TEKT3: variants seen among roughly 807,000 people sequenced by gnomAD.
TEKT3 encodes the protein tektin-3.
In TEKT3, 49 loss-of-function variants were observed where a neutral mutation model predicts 49.8. The ratio of observed to expected loss-of-function variants is 0.98; its 90% CI spans 0.78 to 1.25. The LOEUF (loss-of-function observed/expected upper bound fraction) is 1.25. Ranked by LOEUF, TEKT3 falls within the 50% of genes most tolerant of loss-of-function variation. TEKT3 has a pLI of 0.00. For synonymous variants in TEKT3, 225 were observed against 237.2 expected, an observed-to-expected ratio of 0.95 and a Z score of 0.47; for missense variants, 595 against 629.5, an observed-to-expected ratio of 0.95 and a Z score of 0.59.
chr17:15,332,591 C>G (rs1428447397), intron 2 of TEKT3, among the ~76,000 whole-genome samples: 1 of 152,142 alleles, frequency 6.6e-6, no homozygotes, highest in African/African-American at 2.4e-5. Flanking sequence ...GCAAACGCAG[C>G]TCGAGGCAAG....
intron 2 of TEKT3, chr17:15,338,408 G>T (rs1912076529): frequency 6.6e-6 from 1 of 152,080 alleles, no homozygotes; most frequent in Non-Finnish European, 1.5e-5. Context: ...AAACTTTTAA[G>T]GAAGAAATAC....
intron 5 of TEKT3, among the ~76,000 whole-genome samples, chr17:15,315,421 C>T (rs373958676): frequency 1.3e-5 from 2 of 151,926 alleles, no homozygotes; most frequent in African/African-American, 4.8e-5. Context: ...AACAGACTGC[C>T]GGGGGCAGGA....
At chr17:15,327,341 T>C (rs1911534326) in intron 4 of TEKT3, among the ~76,000 whole-genome samples, 1 of 151,658 alleles carries the variant, frequency 6.6e-6, no homozygotes, top group Non-Finnish European at 1.5e-5. Flanking sequence ...CATGGCGAAA[T>C]CCCATCTCTA....
Position 15,303,925 on chromosome 17 carries a change from C to T in TEKT3, c.*11G>A, listed in dbSNP as rs200371405. On this transcript the variant is annotated 3_prime_UTR_variant, in exon 9 of 9. Transcript: ENST00000395930. The stretch of plus-strand genomic sequence containing the variant: ...AACTTAGGGGTATCAAAACCACACC[C>T]GGTGGGGTCCCTAGCAGAAGCCGAC... The T allele has an allele frequency of 6.8e-6, 11 of 1,613,384 alleles. No homozygotes were observed. The highest frequency in any genetic ancestry group is 4.5e-5 in the East Asian group (2 of 44,878).
intron 1 of TEKT3, chr17:15,340,284 C>T (rs1912164997): frequency 6.6e-6 from 1 of 151,854 alleles, no homozygotes; most frequent in Non-Finnish European, 1.5e-5. Flanking sequence ...GCGCGGTCCT[C>T]ATGCCTGTAA....
intron 8 of TEKT3, among the ~76,000 whole-genome samples, chr17:15,305,787 T>TAA (rs762284587): frequency 2.4e-5 from 3 of 126,576 alleles, no homozygotes; most frequent in Non-Finnish European, 3.4e-5. Flanking sequence ...ACATCAATGC[T>TAA]AAAAAAAAAA....
intron 2 of TEKT3, among the ~76,000 whole-genome samples, chr17:15,339,263 T>G (rs979485183): frequency 2.0e-5 from 3 of 152,224 alleles, no homozygotes; most frequent in African/African-American, 7.2e-5. Flanking sequence ...CCCTGGATCT[T>G]GGACTTCCTA....
intron 8 of TEKT3, among the ~76,000 whole-genome samples, chr17:15,307,434 T>C (rs1378201715): frequency 6.6e-6 from 1 of 152,256 alleles, no homozygotes; most frequent in Non-Finnish European, 1.5e-5. Context: ...TCACTTGTAA[T>C]ATGAAGGTAA....
intron 4 of TEKT3, among the ~76,000 whole-genome samples, chr17:15,321,110 C>T (rs1286068562): frequency 2.0e-5 from 3 of 151,608 alleles, no homozygotes; most frequent in Admixed American, 6.6e-5. Context: ...CCCGGGTTCA[C>T]GCCATTCTCC....
In TEKT3 at chr17:15,327,936, T is replaced by C. The variant is rs992826879; in HGVS notation, c.663+56A>G. On this transcript the variant is annotated intron_variant, in intron 4 of 8. Transcript: ENST00000395930. Reference sequence around the variant, plus strand: ...AACATCCTTTTTTGCTTCTACATATTCAACATACATTTACAACTAAGCTGC... The same window carrying C: ...AACATCCTTTTTTGCTTCTACATATCCAACATACATTTACAACTAAGCTGC... The C allele has an allele frequency of 6.1e-6, 9 of 1,478,554 alleles. No homozygotes were observed. In the African/African-American group the frequency reaches 1.2e-4, roughly 20 times the overall value. The allele number at this position is 1,478,554 out of a possible 1,614,324, so 91.6% of individuals were successfully genotyped here.
At chr17:15,311,264 A>C (rs1910759918) in intron 7 of TEKT3, 1 of 152,336 alleles carries the variant, frequency 6.6e-6, no homozygotes, top group East Asian at 1.9e-4. Context: ...CAGCCTGAGA[A>C]AATGTGGTAC....
chr17:15,335,686 C>T (rs1911951156), intron 2 of TEKT3, among the ~76,000 whole-genome samples: 2 of 151,966 alleles, frequency 1.3e-5, no homozygotes, highest in Non-Finnish European at 2.9e-5. Context: ...AAATGTAACC[C>T]CTAAAGAAAA....
rs746417977 is a variant in TEKT3, at chr17:15,314,241, G to C, written c.735-11C>G. The C allele has an allele frequency of 1.5e-5, 24 of 1,613,942 alleles. No homozygotes were observed. The African/African-American group carries it at 2.5e-4, about 17-fold the overall frequency. On this transcript the variant is annotated splice_polypyrimidine_tract_variant and intron_variant, in intron 5 of 8. Coordinates refer to ENST00000395930, the MANE Select transcript of TEKT3 (RefSeq NM_031898.3). ...GACGCTCTGTTGGCTCTGCAATACA[G>C]AGTCGGGAAGTGGAGCTTCACACTC...
In TEKT3 at chr17:15,304,181, G is replaced by C; in HGVS notation, c.1257-29C>G. The C allele has an allele frequency of 1.9e-6, 3 of 1,611,186 alleles. No individual in the cohort carries two copies. Among genetic ancestry groups the C allele is most frequent in the Non-Finnish European group, 2.5e-6 (3 of 1,177,466 alleles). On this transcript the variant is annotated intron_variant, in intron 8 of 8. Coordinates refer to ENST00000395930, the MANE Select transcript of TEKT3 (RefSeq NM_031898.3). The surrounding 1 kb of genome is among the most constrained non-coding windows in gnomAD (Gnocchi z 4.7). ...CAGCATAAAGGAATCAGCATGGTTA[G>C]GTCAGCATGTAGCTTACGCAACTCC...
Position 15,331,196 on chromosome 17 carries a change from G to A in TEKT3, c.390C>T (p.Asp130=). The A allele has an allele frequency of 6.2e-7, 1 of 1,614,170 alleles. No individual in the cohort carries two copies. The highest frequency in any genetic ancestry group is 8.5e-7 in the Non-Finnish European group (1 of 1,180,026). ...GAGTTTTTCTTGTTTGTTGATATTT[G>A]TCTTGAATCAGGCGAGATGTATCCA... The part of the protein sequence containing the change: ...LRVDTSRLIQ[D]KYQQTRKTQA... Residue 130 remains aspartate, a synonymous_variant, in exon 3 of 9, where the codon GAC becomes GAT. Coordinates refer to ENST00000395930, the MANE Select transcript of TEKT3 (RefSeq NM_031898.3).
At chr17:15,342,797 C>T (rs1480609448), upstream of TEKT3, among the ~76,000 whole-genome samples, 1 of 152,178 alleles carries the variant, frequency 6.6e-6, no homozygotes, top group Non-Finnish European at 1.5e-5. Context: ...AGAGGCTACT[C>T]ATTTGCCTAG....
chr17:15,317,449 G>T (rs187895131), intron 5 of TEKT3, among the ~76,000 whole-genome samples: 13 of 152,166 alleles, frequency 8.5e-5, no homozygotes, highest in Admixed American at 6.5e-4. Flanking sequence ...CAGAAACCAC[G>T]TACAGTCATC....
chr17:15,319,704 C>T (rs891347187), intron 4 of TEKT3, among the ~76,000 whole-genome samples: 3 of 152,186 alleles, frequency 2.0e-5, no homozygotes, highest in African/African-American at 7.2e-5. Context: ...TGTACAAACA[C>T]CTGTGCTAGC....
chr17:15,327,516 CA>C (rs34068186), intron 4 of TEKT3, among the ~76,000 whole-genome samples: 3,039 of 127,870 alleles, frequency 0.024, 28 homozygotes, highest in Admixed American at 0.028. Context: ...GACTCTGTCT[CA>C]AAAAAAAAAA....
Sources: gnomAD v4.1 joint callset for allele counts (sites outside exome capture counted in the v4.1 genomes callset) on GRCh38, gnomAD v4.1.1 for gene constraint, Gnocchi (gnomAD v3.1) non-coding constraint, MANE v1.5 for transcripts, NCBI Gene and HGNC (gene_info 2026-07-23, HGNC 2026-07-21) for gene names.